Variants in GDPD4 observed in about 807,000 individuals in gnomAD.
The protein encoded by GDPD4 is glycerophosphodiester phosphodiesterase 6.
GDPD4 carries 60 observed loss-of-function variants against 67.8 expected under a neutral mutation model. The ratio of observed to expected loss-of-function variants is 0.88; its 90% CI spans 0.72 to 1.10. The LOEUF is 1.10. GDPD4 is among the 50% of genes least tolerant of loss of function. The pLI is 0.00. For synonymous variants in GDPD4, 212 were observed against 210.9 expected (o/e 1.00, Z -0.04); for missense variants, 623 against 613.9 (o/e 1.01, Z -0.16).
rs777973148 is a variant in GDPD4, at chr11:77,243,691, T to C, written c.1241+3A>G. 8 of 1,609,772 alleles carry C rather than the reference T, an allele frequency of 5.0e-6. No homozygotes were observed. The Admixed American group carries it at 1.3e-4, about 27-fold the overall frequency. On this transcript the variant is annotated splice_donor_region_variant and intron_variant, in intron 13 of 16. Transcript: ENST00000315938. ...GCCAAGAGAGGTGTGGTCAAACACT[T>C]ACCTTAACCCATTAGGGAACAACTT... is the stretch of plus-strand genomic sequence containing the variant.
intron 11 of GDPD4, among the ~76,000 whole-genome samples, chr11:77,257,552 T>TACACACACACACACACACACACAC (rs71043563): frequency 3.0e-5 from 4 of 134,266 alleles, no homozygotes; most frequent in South Asian, 2.7e-4. Context: ...CTCCCTCTCC[T>TACACACACACACACACACACACAC]ACACACACAC....
At chr11:77,295,442 G>C (rs190716118) in intron 1 of GDPD4, among the ~76,000 whole-genome samples, 1 of 151,820 alleles carries the variant, frequency 6.6e-6, no homozygotes, top group African/African-American at 2.4e-5. Context: ...GACCAGCCTG[G>C]GCAACATAGT....
At chr11:77,280,732 A>G (rs1442132688) in intron 3 of GDPD4, among the ~76,000 whole-genome samples, 1 of 152,222 alleles carries the variant, frequency 6.6e-6, no homozygotes, top group Non-Finnish European at 1.5e-5. Flanking sequence ...CCAGCTATGG[A>G]TTACAGGCAA....
intron 3 of GDPD4, among the ~76,000 whole-genome samples, chr11:77,279,754 T>C (rs1959669134): frequency 1.3e-5 from 2 of 152,086 alleles, no homozygotes; most frequent in African/African-American, 4.8e-5. Context: ...ACTAATACTT[T>C]ACACTTTGGC....
chr11:77,275,370 C>T (rs1214029189), intron 5 of GDPD4, among the ~76,000 whole-genome samples: 1 of 152,098 alleles, frequency 6.6e-6, no homozygotes, highest in Non-Finnish European at 1.5e-5. Flanking sequence ...CAGATATAGA[C>T]CCTGTGAAAG....
rs144500342 is a variant in GDPD4, at chr11:77,268,599, T to C, written c.625-60A>G. 6,248 of 1,320,184 alleles carry C rather than the reference T, an allele frequency of 4.7e-3. 21 individuals are homozygous for C. Among genetic ancestry groups the C allele is most frequent in the Non-Finnish European group, 5.4e-3 (4,934 of 915,166 alleles). 81.8% of individuals were successfully genotyped at this position (1,320,184 alleles called of 1,614,324 possible). A position where few individuals can be genotyped will look rare whatever the true frequency, so the allele number is the denominator to read the frequency against. On this transcript the variant is annotated intron_variant, in intron 9 of 16. Transcript: ENST00000315938. ...AGAGTCTCTCCTCCCAGCATTCCTT[T>C]TGTGGTAGGGGTAGAGCCCAGTAGG...
chr11:77,253,686 A>G (rs1015180333), intron 11 of GDPD4, among the ~76,000 whole-genome samples: 13 of 151,924 alleles, frequency 8.6e-5, no homozygotes, highest in South Asian at 8.3e-4. Context: ...GTGCCACTCT[A>G]CTCAGGCCTT....
At position 77,229,456 on chromosome 11, in the gene GDPD4, A is replaced by T. The variant is rs189901988; in HGVS notation, c.1390-224T>A. On this transcript the variant is annotated intron_variant, in intron 14 of 16. Transcript: ENST00000315938. The stretch of plus-strand genomic sequence containing the variant: ...CAGGGGGCTCTAGAGGGAATAGAAC[A>T]CTTCACACCTTTCATCTCACCTTTC... Among the ~76,000 whole-genome samples, 111 of 152,294 alleles carry T rather than the reference A, an allele frequency of 7.3e-4. 1 individual carries two copies. Among genetic ancestry groups the T allele is most frequent in the African/African-American group, 2.6e-3 (106 of 41,554 alleles).
intron 14 of GDPD4, among the ~76,000 whole-genome samples, chr11:77,232,363 ACCTACT>A (rs1958471016): frequency 6.6e-6 from 1 of 152,232 alleles, no homozygotes; most frequent in South Asian, 2.1e-4. Context: ...CACTCAGTCA[ACCTACT>A]CTCTGTACAG....
At chr11:77,274,213 A>T (rs578158202) in intron 5 of GDPD4, among the ~76,000 whole-genome samples, 34 of 152,286 alleles carry the variant, frequency 2.2e-4, no homozygotes, top group Middle Eastern at 3.4e-3. Flanking sequence ...CCCTAGAAAA[A>T]ATCTCATGGC....
chr11:77,271,440 G>T (rs1269470830), intron 5 of GDPD4, 47 bp from the exon 6 acceptor site: 2 of 1,111,168 alleles, frequency 1.8e-6, no homozygotes, highest in South Asian at 1.3e-5. Flanking sequence ...ACTAGGCTTG[G>T]ATCAGAACTG....
In GDPD4 at chr11:77,222,637, G is replaced by T. The variant is rs186355479; in HGVS notation, c.1525+5227C>A. ...ATGGGCTTCCCTTTGTGGGTAACCC[G>T]ACCTTTCTCTCTGGCTGCCCTTAAC... is the stretch of plus-strand genomic sequence containing the variant. On this transcript the variant is annotated intron_variant, in intron 16 of 16. Coordinates refer to ENST00000315938, the MANE Select transcript of GDPD4 (RefSeq NM_182833.3). Among the ~76,000 whole-genome samples, 47 of 152,280 alleles carry T rather than the reference G, an allele frequency of 3.1e-4. 1 individual carries two copies. The highest frequency in any genetic ancestry group is 2.1e-4 in the South Asian group (1 of 4,814).
chr11:77,233,608 T>G (rs1268657404), intron 13 of GDPD4, among the ~76,000 whole-genome samples: 1 of 152,190 alleles, frequency 6.6e-6, no homozygotes, highest in Non-Finnish European at 1.5e-5. Context: ...CAAGCTGGTA[T>G]GAGCTGGCTC....
chr11:77,271,325 T>A lies in GDPD4; in HGVS notation c.276A>T (p.Glu92Asp). 1 of 1,613,934 alleles carries A rather than the reference T, an allele frequency of 6.2e-7. No individual in the cohort carries two copies. The highest frequency in any genetic ancestry group is 8.5e-7 in the Non-Finnish European group (1 of 1,179,764). ...TTGACAGCCCAGCTACCAGCCACCT[T>A]TCTTTCCAGAATTTGCATATAATGA... ...LMFIICKFWKERWLVAGLSMQ... is the reference protein window; with the variant it reads ...LMFIICKFWKDRWLVAGLSMQ... The change falls in exon 6 of 17, where the codon GAA becomes GAT. Residue 92 changes from glutamate (E) to aspartate (D), a missense_variant. Glu to Asp is a conservative substitution (Grantham distance 45). Transcript: ENST00000315938.
At chr11:77,240,966 CTG>C (rs1200580548) in intron 13 of GDPD4, among the ~76,000 whole-genome samples, 3 of 152,168 alleles carry the variant, frequency 2.0e-5, no homozygotes, top group Non-Finnish European at 2.9e-5. Flanking sequence ...CTCTTACACA[CTG>C]TTGGTGGGAA....
At chr11:77,288,148 TATAGACTGACCC>T (rs1341161501) in intron 1 of GDPD4, among the ~76,000 whole-genome samples, 1 of 152,050 alleles carries the variant, frequency 6.6e-6, no homozygotes, top group African/African-American at 2.4e-5. Flanking sequence ...GCTGGGGACC[TATAGACTGACCC>T]ACCCATCCTA....
At position 77,269,933 on chromosome 11, in the gene GDPD4, T is replaced by A. The variant is rs750117862; in HGVS notation, c.428A>T (p.His143Leu). Residue 143 changes from histidine to leucine, a missense_variant, in exon 8 of 17, where the codon CAT becomes CTT. Coordinates refer to ENST00000315938, the MANE Select transcript of GDPD4 (RefSeq NM_182833.3). Reference protein sequence around the residue: ...EVRMRRYRMTHSEKKRLKQCN... With the variant: ...EVRMRRYRMTLSEKKRLKQCN... ...TTGCTTGAGTCTTTTTTTCTCAGAA[T>A]GTGTCATCCTGTATCTTCTCATTCT... 1 of 1,576,014 alleles carries A rather than the reference T, an allele frequency of 6.3e-7. No homozygotes were observed. Among genetic ancestry groups the A allele is most frequent in the Non-Finnish European group, 8.7e-7 (1 of 1,146,696 alleles).
rs79785955 is a variant in GDPD4 at position 77,230,369 on chromosome 11, T to C, written c.1390-1137A>G. ...ATTTGTGAGATCTGAGTGAAAAAAGTATGTCATTTTCAAAGAAACTAAGTC... is the reference window on the plus strand; with the variant it reads ...ATTTGTGAGATCTGAGTGAAAAAAGCATGTCATTTTCAAAGAAACTAAGTC... On this transcript the variant is annotated intron_variant, in intron 14 of 16. Transcript: ENST00000315938. Among the ~76,000 whole-genome samples, 375 of 152,314 alleles carry C rather than the reference T, an allele frequency of 2.5e-3. 4 individuals carry two copies. In the East Asian group the frequency reaches 0.04, roughly 16 times the overall value.
chr11:77,257,688 G>C (rs1245713609), intron 11 of GDPD4, among the ~76,000 whole-genome samples: 1 of 151,980 alleles, frequency 6.6e-6, no homozygotes, highest in African/African-American at 2.4e-5. Flanking sequence ...TGGTAGCTGT[G>C]CATAAAGTAT....
Sources: gnomAD v4.1 joint callset for allele counts (sites outside exome capture counted in the v4.1 genomes callset) on GRCh38, gnomAD v4.1.1 for gene constraint, MANE v1.5 for transcripts, NCBI Gene and HGNC (gene_info 2026-07-23, HGNC 2026-07-21) for gene names.